Variants in THSD7B observed in about 807,000 individuals in gnomAD.
The protein encoded by THSD7B is thrombospondin type 1 domain containing 7B, also known as thrombospondin type-1 domain-containing protein 7B.
THSD7B carries 138 observed loss-of-function variants against 213.6 expected under a neutral mutation model. That is an observed-to-expected ratio of 0.65 (90% CI 0.56 to 0.74). The LOEUF (loss-of-function observed/expected upper bound fraction) is 0.74. Among genes scored for constraint, THSD7B ranks in the 30% least tolerant of loss-of-function variants. THSD7B has a pLI of 0.00. For synonymous variants in THSD7B, 742 were observed against 687.0 expected, an observed-to-expected ratio of 1.08 and a Z score of -1.25; for missense variants, 1,931 against 1,991.5, an observed-to-expected ratio of 0.97 and a Z score of 0.58.
At chr2:137,622,751 T>A (rs1558863049) in intron 20 of THSD7B, among the ~76,000 whole-genome samples, 2 of 152,048 alleles carry the variant, frequency 1.3e-5, no homozygotes, top group African/African-American at 2.4e-5. Flanking sequence ...AATTCCTGGA[T>A]ACATACACCC....
intron 3 of THSD7B, among the ~76,000 whole-genome samples, chr2:137,091,748 C>G (rs1687952143): frequency 6.6e-6 from 1 of 152,072 alleles, no homozygotes; most frequent in Non-Finnish European, 1.5e-5. Context: ...TTTTAATCAC[C>G]TCTTTAGTCA....
intron 15 of THSD7B, among the ~76,000 whole-genome samples, chr2:137,465,007 C>T (rs939167616): frequency 4.7e-4 from 71 of 152,092 alleles, no homozygotes; most frequent in African/African-American, 1.7e-3. Context: ...TTGCAAAGAG[C>T]AAATCTGGGT....
intron 10 of THSD7B, among the ~76,000 whole-genome samples, chr2:137,257,869 C>T (rs919262004): frequency 2.0e-5 from 3 of 152,188 alleles, no homozygotes; most frequent in African/African-American, 4.8e-5. Flanking sequence ...TCTGGACCCA[C>T]ATTGCTTGGG....
At chr2:136,947,850 T>G (rs1684970831) in intron 2 of THSD7B, among the ~76,000 whole-genome samples, 1 of 152,228 alleles carries the variant, frequency 6.6e-6, no homozygotes, top group African/African-American at 2.4e-5. Context: ...AACTTAACAC[T>G]TCACTGTGGA....
chr2:137,215,086 C>T (rs1402581733), intron 7 of THSD7B, among the ~76,000 whole-genome samples: 2 of 152,188 alleles, frequency 1.3e-5, no homozygotes, highest in Admixed American at 1.3e-4. Flanking sequence ...ACATCCTCTC[C>T]AGCACCTGTT....
chr2:137,051,520 G>C (rs1339008348), intron 2 of THSD7B, among the ~76,000 whole-genome samples: 1 of 152,156 alleles, frequency 6.6e-6, no homozygotes, highest in African/African-American at 2.4e-5. Flanking sequence ...CATCTTATAA[G>C]TAAGTCAATG....
chr2:136,803,108 A>T (rs1682218695), intron 1 of THSD7B, among the ~76,000 whole-genome samples: 1 of 152,026 alleles, frequency 6.6e-6, no homozygotes, highest in African/African-American at 2.4e-5. Flanking sequence ...TCATGAATTT[A>T]GATATATTAT....
rs543899210 is a variant in THSD7B at position 137,393,770 on chromosome 2, AC to A, written c.2501-11841del. 4.1e-3 allele frequency among the ~76,000 whole-genome samples: 515 copies of A among 124,916 alleles called. 57 individuals are homozygous for A. The highest frequency in any genetic ancestry group is 0.033 in the Admixed American group (427 of 12,948). 81.9% of individuals were successfully genotyped at this position (124,916 alleles called of 152,430 possible). A position where few individuals can be genotyped will look rare whatever the true frequency, so the allele number is the denominator to read the frequency against. On this transcript the variant is annotated intron_variant, in intron 12 of 27. Coordinates refer to ENST00000409968, the MANE Select transcript of THSD7B (RefSeq NM_001316349.2). ...CACAATGGTTGAACTAGTTTACAGT[AC>A]CACCAACAGTGTAAAAGTGTTCCCA... is the stretch of plus-strand genomic sequence containing the variant.
At chr2:137,194,905 G>T (rs1213937650) in intron 7 of THSD7B, among the ~76,000 whole-genome samples, 2 of 151,950 alleles carry the variant, frequency 1.3e-5, no homozygotes, top group Non-Finnish European at 2.9e-5. Context: ...TTTTTATTCA[G>T]ATAATTAATT....
intron 4 of THSD7B, among the ~76,000 whole-genome samples, chr2:137,096,221 GT>G (rs1490400122): frequency 6.6e-6 from 1 of 152,070 alleles, no homozygotes; most frequent in Non-Finnish European, 1.5e-5. Context: ...TTTTCTTATA[GT>G]TTCTTGTAAC....
chr2:136,812,364 T>G (rs530131997), intron 1 of THSD7B, among the ~76,000 whole-genome samples: 3 of 152,310 alleles, frequency 2.0e-5, no homozygotes, highest in East Asian at 1.9e-4. Context: ...TCACAGTACT[T>G]TAGTTGACCT....
At chr2:137,605,365 A>T (rs1473026240) in intron 17 of THSD7B, among the ~76,000 whole-genome samples, 3 of 152,200 alleles carry the variant, frequency 2.0e-5, no homozygotes, top group African/African-American at 7.2e-5. Flanking sequence ...AATAGTGCAC[A>T]ACTCAGAGGC....
chr2:137,368,374 G>A (rs1685468438), intron 12 of THSD7B, among the ~76,000 whole-genome samples: 1 of 151,400 alleles, frequency 6.6e-6, no homozygotes, highest in Non-Finnish European at 1.5e-5. Context: ...TTTTTAAAAA[G>A]TGTTAATCAT....
intron 17 of THSD7B, among the ~76,000 whole-genome samples, chr2:137,603,691 G>T (rs530204015): frequency 6.6e-6 from 1 of 152,278 alleles, no homozygotes; most frequent in Admixed American, 6.5e-5. Flanking sequence ...ATGTGACTTT[G>T]GCATGTTGCT....
chr2:136,808,951 TTTA>T (rs1682331809), intron 1 of THSD7B, among the ~76,000 whole-genome samples: 1 of 152,204 alleles, frequency 6.6e-6, no homozygotes, highest in African/African-American at 2.4e-5. Context: ...TAAGCCACTG[TTTA>T]TTAGAAGCAC....
At chr2:136,882,470 T>G (rs1006976164) in intron 2 of THSD7B, among the ~76,000 whole-genome samples, 153 bp downstream of exon 2, 1 of 152,222 alleles carries the variant, frequency 6.6e-6, no homozygotes, top group African/African-American at 2.4e-5. Context: ...TATTTGATTT[T>G]TTACTCCTGC....
chr2:137,119,332 A>T (rs1208371174), intron 5 of THSD7B, among the ~76,000 whole-genome samples: 1 of 152,228 alleles, frequency 6.6e-6, no homozygotes, highest in Non-Finnish European at 1.5e-5. Context: ...TACATCTGTC[A>T]TAAGGGTGTC....
intron 1 of THSD7B, among the ~76,000 whole-genome samples, chr2:136,844,343 G>A (rs887376473): frequency 1.3e-5 from 2 of 152,064 alleles, no homozygotes; most frequent in Admixed American, 6.6e-5. Flanking sequence ...TTAGGAACTG[G>A]GGCCACTTGG....
At chr2:137,130,634 T>A (rs1688712181) in intron 5 of THSD7B, among the ~76,000 whole-genome samples, 1 of 150,516 alleles carries the variant, frequency 6.6e-6, no homozygotes, top group African/African-American at 2.4e-5. Flanking sequence ...TGGTGTTTGG[T>A]TTTTTGTCCT....
Sources: allele counts gnomAD v4.1 joint callset (sites outside exome capture counted in the v4.1 genomes callset), GRCh38; gene constraint gnomAD v4.1.1; transcripts MANE v1.5; gene names NCBI Gene and HGNC (gene_info 2026-07-23, HGNC 2026-07-21).